ATP2B2: variants seen among roughly 807,000 people sequenced by gnomAD.
The protein encoded by ATP2B2 is ATPase plasma membrane Ca2+ transporting 2.
In ATP2B2, 15 loss-of-function variants were observed where a neutral mutation model predicts 120.0. The ratio of observed to expected loss-of-function variants is 0.12; its 90% CI spans 0.08 to 0.19. The LOEUF is 0.19. ATP2B2 is among the 10% of genes least tolerant of loss of function. The pLI, the probability that ATP2B2 is intolerant of heterozygous loss-of-function variation, is 1.00. For synonymous variants in ATP2B2, 694 were observed against 700.3 expected, an observed-to-expected ratio of 0.99 and a Z score of 0.14; for missense variants, 1,045 against 1,719.8, an observed-to-expected ratio of 0.61 and a Z score of 6.94.
At chr3:10,699,448 ATATC>A (rs2071785662) in intron 1 of ATP2B2, among the ~76,000 whole-genome samples, 1 of 152,250 alleles carries the variant, frequency 6.6e-6, no homozygotes, top group Non-Finnish European at 1.5e-5. Flanking sequence ...GAAAAACAGA[ATATC>A]TATTTATCTA....
intron 22 of ATP2B2, among the ~76,000 whole-genome samples, chr3:10,331,068 C>G (rs756770881): frequency 4.6e-5 from 7 of 152,188 alleles, no homozygotes; most frequent in Admixed American, 6.5e-5. Flanking sequence ...ATACTGTGAG[C>G]TGGGACTCCA....
At chr3:10,543,051 G>T (rs2067472375) in intron 2 of ATP2B2, among the ~76,000 whole-genome samples, 1 of 152,116 alleles carries the variant, frequency 6.6e-6, no homozygotes, top group African/African-American at 2.4e-5. Context: ...TTTTGATTAG[G>T]TAGGTAGTTT....
At chr3:10,566,645 C>T (rs2068015949) in intron 2 of ATP2B2, among the ~76,000 whole-genome samples, 1 of 152,174 alleles carries the variant, frequency 6.6e-6, no homozygotes, top group Non-Finnish European at 1.5e-5. Flanking sequence ...TTATAGTTGA[C>T]ATTTTGATGT....
chr3:10,512,485 C>CACACACAGACACACACACACACACAG (rs2066789540), intron 3 of ATP2B2, among the ~76,000 whole-genome samples: 1 of 150,480 alleles, frequency 6.6e-6, no homozygotes, highest in African/African-American at 2.5e-5. Context: ...CACACACACA[C>CACACACAGACACACACACACACACAG]ACACACACAC....
intron 3 of ATP2B2, among the ~76,000 whole-genome samples, chr3:10,527,630 T>G (rs2067124000): frequency 6.6e-6 from 1 of 152,128 alleles, no homozygotes; most frequent in Non-Finnish European, 1.5e-5. Flanking sequence ...TCTTTCCATC[T>G]CAGGAACCCC....
intron 11 of ATP2B2, 94 bp from the exon 12 acceptor site, chr3:10,372,145 G>A: frequency 6.4e-7 from 1 of 1,558,020 alleles, no homozygotes; most frequent in Non-Finnish European, 8.8e-7. Context: ...CAGTAAATAA[G>A]GCAGAGCCAC....
chr3:10,410,124 G>A (rs2062557527), intron 3 of ATP2B2, among the ~76,000 whole-genome samples: 1 of 152,158 alleles, frequency 6.6e-6, no homozygotes, highest in African/African-American at 2.4e-5. Context: ...CCCCTTTTCT[G>A]TGCCTTGGTT....
At chr3:10,405,368 C>T (rs1264442488) in intron 3 of ATP2B2, among the ~76,000 whole-genome samples, 1 of 152,192 alleles carries the variant, frequency 6.6e-6, no homozygotes, top group East Asian at 1.9e-4. Flanking sequence ...CCAGCAAAAG[C>T]CGATTAGCTA....
chr3:10,481,136 C>T (rs1372431682), intron 1 of ATP2B2, among the ~76,000 whole-genome samples: 1 of 152,226 alleles, frequency 6.6e-6, no homozygotes, highest in African/African-American at 2.4e-5. Context: ...AATGGAAAGA[C>T]TTCATTTGAG....
rs956959764 is a variant in ATP2B2 at position 10,386,512 on chromosome 3, C to A, written c.908G>T (p.Gly303Val). ...CTGAAGGCCATCCCCCTTCTTCACACCTGTGTGATGATTTTTGAGACATGT... is the reference window on the plus strand; with the variant it reads ...CTGAAGGCCATCCCCCTTCTTCACAACTGTGTGATGATTTTTGAGACATGT... ...GEEEEKKDKK[G>V]VKKGDGLQLP... Residue 303 changes from glycine (G) to valine (V), a missense_variant and splice_region_variant, in exon 7 of 23, where the codon GGT becomes GTT. By Grantham distance (109) the Gly-to-Val change is moderately radical. This residue lies in a region of ATP2B2 where 145 missense variants were observed against 202.0 expected (regional missense o/e 0.72). Coordinates refer to ENST00000360273, the MANE Select transcript of ATP2B2 (RefSeq NM_001001331.4). 3.1e-6 allele frequency: 5 copies of A among 1,614,174 alleles called. No individual in the cohort carries two copies. The highest frequency in any genetic ancestry group is 1.3e-5 in the African/African-American group (1 of 75,030).
At position 10,358,804 on chromosome 3, in the gene ATP2B2, C is replaced by A; in HGVS notation, c.2023G>T (p.Ala675Ser). Residue 675 changes from alanine to serine, a missense_variant, in exon 14 of 23, where the codon GCC becomes TCC. Physicochemically the swap from Ala to Ser is moderately conservative, Grantham distance 99 (BLOSUM62 1). Transcript: ENST00000360273. ...ACDGLRTICV[A>S]YRDFPSSPEP... ...GGGCTGCTGGGGAAGTCGCGGTAGG[C>A]CACGCAGATAGTGCGGAGCCCATCG... The A allele has an allele frequency of 5.6e-6, 9 of 1,614,250 alleles. No homozygotes were observed. Among genetic ancestry groups the A allele is most frequent in the Non-Finnish European group, 6.8e-6 (8 of 1,180,054 alleles).
chr3:10,332,974 T>C (rs1424057589), intron 22 of ATP2B2, among the ~76,000 whole-genome samples: 1 of 151,984 alleles, frequency 6.6e-6, no homozygotes, highest in Non-Finnish European at 1.5e-5. Flanking sequence ...GTCAGAAGAG[T>C]GCACCAATTC....
intron 2 of ATP2B2, among the ~76,000 whole-genome samples, chr3:10,569,091 G>A (rs2068069724): frequency 6.6e-6 from 1 of 152,148 alleles, no homozygotes. Context: ...AACTGAGGAG[G>A]GGTGACATGA....
chr3:10,517,807 G>A (rs1559434847), intron 3 of ATP2B2, among the ~76,000 whole-genome samples: 1 of 152,246 alleles, frequency 6.6e-6, no homozygotes, highest in Non-Finnish European at 1.5e-5. Context: ...TCCTGGGCCT[G>A]TGCTTGGCTC....
chr3:10,431,729 A>T (rs1404920256), intron 2 of ATP2B2, among the ~76,000 whole-genome samples: 1 of 151,804 alleles, frequency 6.6e-6, no homozygotes, highest in Non-Finnish European at 1.5e-5. Flanking sequence ...CTCAAGAAAC[A>T]TCTACTGAAT....
intron 2 of ATP2B2, among the ~76,000 whole-genome samples, chr3:10,554,401 T>C (rs1305239397): frequency 6.6e-6 from 1 of 152,034 alleles, no homozygotes; most frequent in East Asian, 1.9e-4. Context: ...GGAGTGAAGG[T>C]GTCTCACCGC....
chr3:10,582,997 T>A (rs894345474), intron 2 of ATP2B2, among the ~76,000 whole-genome samples: 1 of 152,250 alleles, frequency 6.6e-6, no homozygotes, highest in East Asian at 1.9e-4. Flanking sequence ...TGAACTTCCA[T>A]GTCAGCAGCA....
intron 1 of ATP2B2, among the ~76,000 whole-genome samples, chr3:10,456,477 C>T (rs1266242288): frequency 6.6e-6 from 1 of 152,168 alleles, no homozygotes; most frequent in Non-Finnish European, 1.5e-5. Context: ...CCCTCCCCAA[C>T]ATGGAGACAA....
intron 1 of ATP2B2, among the ~76,000 whole-genome samples, chr3:10,704,409 CT>C (rs2071866942): frequency 6.6e-6 from 1 of 152,272 alleles, no homozygotes; most frequent in Admixed American, 6.5e-5. Flanking sequence ...CTGCTGTCTC[CT>C]TCCAAGTATC....
Sources: allele counts gnomAD v4.1 joint callset (sites outside exome capture counted in the v4.1 genomes callset), GRCh38; gene constraint gnomAD v4.1.1; regional missense constraint gnomAD v4.1.1; transcripts MANE v1.5; gene names NCBI Gene and HGNC (gene_info 2026-07-23, HGNC 2026-07-21).